TECRL: variants seen among roughly 807,000 people sequenced by gnomAD.
TECRL encodes trans-2,3-enoyl-CoA reductase-like.
TECRL carries 63 observed loss-of-function variants against 52.8 expected under a neutral mutation model. That is an observed-to-expected ratio of 1.19 (90% CI 0.97 to 1.47). The LOEUF (loss-of-function observed/expected upper bound fraction) is 1.47, where lower values mean the gene tolerates loss of function less well. Ranked by LOEUF, TECRL falls within the 40% of genes most tolerant of loss-of-function variation. TECRL has a pLI of 0.00. For missense variants in TECRL, 482 were observed against 429.6 expected (o/e 1.12, Z -1.08); for synonymous variants, 164 against 141.9 (o/e 1.16, Z -1.10).
intron 2 of TECRL, among the ~76,000 whole-genome samples, chr4:64,374,081 A>ATATATATATATATATATATATATATATT (rs1242146303): frequency 4.9e-5 from 5 of 101,166 alleles, no homozygotes; most frequent in African/African-American, 1.9e-4. Flanking sequence ...ATATATATAT[A>ATATATATATATATATATATATATATATT]TTTATCTTTT....
At chr4:64,296,039 A>G (rs1723661370) in intron 8 of TECRL, among the ~76,000 whole-genome samples, 1 of 152,018 alleles carries the variant, frequency 6.6e-6, no homozygotes, top group African/African-American at 2.4e-5. Flanking sequence ...CTTTGTTTTC[A>G]GTCAATAAGT....
At chr4:64,281,243 G>T (rs981209636) in intron 10 of TECRL, among the ~76,000 whole-genome samples, 157 bp from the exon 11 acceptor site, 1 of 151,760 alleles carries the variant, frequency 6.6e-6, no homozygotes, top group Non-Finnish European at 1.5e-5. Context: ...TACATATAAA[G>T]TCATAAGCAA....
chr4:64,349,857 T>C (rs1040384139), intron 2 of TECRL, among the ~76,000 whole-genome samples: 4 of 152,110 alleles, frequency 2.6e-5, no homozygotes, highest in Admixed American at 6.5e-5. Flanking sequence ...AATTTATAGG[T>C]GAAGAGTAAT....
At chr4:64,304,313 A>G (rs981226267) in intron 7 of TECRL, among the ~76,000 whole-genome samples, 1 of 151,972 alleles carries the variant, frequency 6.6e-6, no homozygotes, top group African/African-American at 2.4e-5. Context: ...TGAAGTTTTA[A>G]TCATTAAAAT....
intron 1 of TECRL, among the ~76,000 whole-genome samples, chr4:64,400,633 T>C (rs1244921853): frequency 6.6e-6 from 1 of 152,154 alleles, no homozygotes; most frequent in African/African-American, 2.4e-5. Context: ...TTCTCATGAA[T>C]GGTTTAGTAC....
chr4:64,392,436 A>G (rs1221196290), intron 1 of TECRL, among the ~76,000 whole-genome samples: 1 of 151,950 alleles, frequency 6.6e-6, no homozygotes, highest in African/African-American at 2.4e-5. Context: ...CCTTCTAATC[A>G]TGACATCGAG....
chr4:64,299,831 T>A (rs1723904584), intron 8 of TECRL, 143 bp downstream of exon 8: 1 of 320,558 alleles, frequency 3.1e-6, no homozygotes, highest in African/African-American at 2.2e-5. Flanking sequence ...GAAAGTTATA[T>A]GATTTACTTC....
intron 2 of TECRL, among the ~76,000 whole-genome samples, chr4:64,337,271 G>A (rs947383531): frequency 7.2e-5 from 11 of 152,142 alleles, no homozygotes; most frequent in Non-Finnish European, 1.3e-4. Flanking sequence ...TTGATGGGAC[G>A]TATCTCAAAA....
chr4:64,391,503 T>A (rs921559164), intron 1 of TECRL, among the ~76,000 whole-genome samples: 1 of 151,864 alleles, frequency 6.6e-6, no homozygotes, highest in Admixed American at 6.6e-5. Flanking sequence ...ATTAATAACA[T>A]CAACACTCAA....
intron 2 of TECRL, among the ~76,000 whole-genome samples, chr4:64,368,991 C>T (rs1475325209): frequency 6.6e-6 from 1 of 152,146 alleles, no homozygotes; most frequent in African/African-American, 2.4e-5. Context: ...AATTGTCCTG[C>T]TAATTTCATT....
At chr4:64,289,571 G>C in intron 9 of TECRL, 139 bp downstream of exon 9, 1 of 659,254 alleles carries the variant, frequency 1.5e-6, no homozygotes, top group Non-Finnish European at 2.5e-6. Context: ...GGAAAAACTA[G>C]ACATAAAAGG....
chr4:64,376,168 T>C (rs2109684207), intron 1 of TECRL, among the ~76,000 whole-genome samples: 1 of 152,054 alleles, frequency 6.6e-6, no homozygotes, highest in East Asian at 1.9e-4. Flanking sequence ...ACTGAAAGTA[T>C]AACAACAAAT....
chr4:64,320,846 T>C (rs1168498558), intron 4 of TECRL, among the ~76,000 whole-genome samples: 1 of 152,122 alleles, frequency 6.6e-6, no homozygotes, highest in Non-Finnish European at 1.5e-5. Flanking sequence ...TGCAAATGCA[T>C]GCATCGTCTA....
intron 2 of TECRL, among the ~76,000 whole-genome samples, chr4:64,344,127 G>A (rs1374124487): frequency 6.6e-6 from 1 of 151,750 alleles, no homozygotes; most frequent in Non-Finnish European, 1.5e-5. Flanking sequence ...AGAAGAGGAA[G>A]TAATAGGACA....
chr4:64,296,615 GA>G (rs1376220378), intron 8 of TECRL, among the ~76,000 whole-genome samples: 2 of 151,694 alleles, frequency 1.3e-5, no homozygotes, highest in African/African-American at 2.4e-5. Context: ...ATTCTGCAAA[GA>G]ATTGGCAAAC....
chr4:64,292,181 A>G (rs999366693), intron 8 of TECRL, among the ~76,000 whole-genome samples: 2 of 152,034 alleles, frequency 1.3e-5, no homozygotes, highest in Non-Finnish European at 2.9e-5. Context: ...TGCAGAGCCA[A>G]TTAAATGTGA....
At chr4:64,387,407 G>A (rs1586133) in intron 1 of TECRL, among the ~76,000 whole-genome samples, 136,024 of 152,062 alleles carry the variant, frequency 0.89, 61,551 homozygotes, top group East Asian at 1. Flanking sequence ...TAAGTTTTCA[G>A]CTCATTTGAG....
At chr4:64,316,155 T>A (rs186676517) in intron 4 of TECRL, among the ~76,000 whole-genome samples, 7 of 152,196 alleles carry the variant, frequency 4.6e-5, no homozygotes, top group African/African-American at 1.7e-4. Context: ...TTGAGCAAAT[T>A]CTCTAAGAAT....
At chr4:64,318,545 A>C (rs1717668151) in intron 4 of TECRL, among the ~76,000 whole-genome samples, 1 of 152,078 alleles carries the variant, frequency 6.6e-6, no homozygotes, top group Non-Finnish European at 1.5e-5. Flanking sequence ...AATTGTGCAT[A>C]TCATAGTCAA....
Sources: allele counts gnomAD v4.1 joint callset (sites outside exome capture counted in the v4.1 genomes callset), GRCh38; gene constraint gnomAD v4.1.1; transcripts MANE v1.5; gene names NCBI Gene and HGNC (gene_info 2026-07-23, HGNC 2026-07-21).